Variants in CLEC4E observed in about 807,000 individuals in gnomAD.
CLEC4E encodes C-type (calcium dependent, carbohydrate-recognition domain) lectin, superfamily member 9.
CLEC4E carries 21 observed loss-of-function variants against 24.7 expected under a neutral mutation model. That is an observed-to-expected ratio of 0.85 (90% CI 0.60 to 1.22). CLEC4E has a LOEUF of 1.22. Among genes scored for constraint, CLEC4E ranks in the 50% most tolerant of loss-of-function variants. The pLI is 0.00. For synonymous variants in CLEC4E, 94 were observed against 85.7 expected, an observed-to-expected ratio of 1.10 and a Z score of -0.54; for missense variants, 249 against 254.1, an observed-to-expected ratio of 0.98 and a Z score of 0.14.
At chr12:8,534,862 A>G (rs1413194215) in intron 5 of CLEC4E, 53 bp from the exon 6 acceptor site, 1 of 1,473,398 alleles carries the variant, frequency 6.8e-7, no homozygotes, top group Non-Finnish European at 9.3e-7. Context: ...GAGGTAAAGT[A>G]ACCTAATATA....
chr12:8,540,780 T>C lies in CLEC4E; in HGVS notation c.18A>G (p.Ser6=), dbSNP rs751975777. The change falls in exon 1 of 6, where the codon TCA becomes TCG. Residue 6 remains serine, a synonymous_variant. Coordinates refer to ENST00000299663, the MANE Select transcript of CLEC4E (RefSeq NM_014358.4). ...TTTTACCTGTGCATTGTGTTTCAGA[T>C]GATTTAGATGAATTCATTTTTTCTC... MNSSK[S]SETQCTERGC... 30 of 1,609,424 alleles carry C rather than the reference T, an allele frequency of 1.9e-5. No homozygotes were observed. In the Middle Eastern group the frequency reaches 6.6e-4, roughly 35 times the overall value.
chr12:8,534,746 G>C lies in CLEC4E; in HGVS notation c.552C>G (p.Asp184Glu). 1 of 1,614,046 alleles carries C rather than the reference G, an allele frequency of 6.2e-7. No homozygotes were observed. The highest frequency in any genetic ancestry group is 8.5e-7 in the Non-Finnish European group (1 of 1,179,964). Residue 184 changes from aspartate (D) to glutamate (E), a missense_variant, in exon 6 of 6, where the codon GAC becomes GAG. By Grantham distance (45) the Asp-to-Glu change is conservative. Transcript: ENST00000299663. ...ATLEDCATMRDSSNPRQNWND... is the reference protein window; with the variant it reads ...ATLEDCATMRESSNPRQNWND... ...TCCAATTTTGCCTTGGGTTTGAAGAGTCTCTCATGGTGGCACAGTCCTCCA... is the reference window on the plus strand; with the variant it reads ...TCCAATTTTGCCTTGGGTTTGAAGACTCTCTCATGGTGGCACAGTCCTCCA...
At chr12:8,538,843 G>GC (rs1463414749) in intron 3 of CLEC4E, 2 of 283,942 alleles carry the variant, frequency 7.0e-6, no homozygotes, top group Non-Finnish European at 1.3e-5. Flanking sequence ...GCTAGGACTT[G>GC]CAACAGGATG....
In CLEC4E at chr12:8,539,269, C is replaced by T; in HGVS notation, c.168G>A (p.Lys56=). The change falls in exon 3 of 6, where the codon AAG becomes AAA. Residue 56 remains lysine, a synonymous_variant. Transcript: ENST00000299663. Reference sequence around the variant, plus strand: ...CTGTGAAATTCTCAGGTAGCTGAAACTTTTTCTCATCACAGGTTTGAAAGA... The same window carrying T: ...CTGTGAAATTCTCAGGTAGCTGAAATTTTTTCTCATCACAGGTTTGAAAGA... The part of the protein sequence containing the change: ...FRIFQTCDEK[K]FQLPENFTEL... 1.9e-6 allele frequency: 3 copies of T among 1,613,410 alleles called. No homozygotes were observed. Among genetic ancestry groups the T allele is most frequent in the Non-Finnish European group, 2.5e-6 (3 of 1,179,548 alleles).
rs752946890 is a variant in CLEC4E at position 8,534,180 on chromosome 12, A to C, written c.*458T>G. 2 of 153,770 alleles carry C rather than the reference A, an allele frequency of 1.3e-5. No individual in the cohort carries two copies. Among genetic ancestry groups the C allele is most frequent in the Non-Finnish European group, 2.9e-5 (2 of 69,188 alleles). 9.5% of individuals were successfully genotyped at this position (153,770 alleles called of 1,614,324 possible). On this transcript the variant is annotated 3_prime_UTR_variant, in exon 6 of 6. Transcript: ENST00000299663. Reference sequence around the variant, plus strand: ...TTACTCATTATACAGGGGAGTAAAGAGACGATATATGCTTGGGCAGGAGAT... The same window carrying C: ...TTACTCATTATACAGGGGAGTAAAGCGACGATATATGCTTGGGCAGGAGAT...
intron 2 of CLEC4E, 97 bp downstream of exon 2, chr12:8,539,758 C>A: frequency 1.3e-6 from 1 of 762,346 alleles, no homozygotes; most frequent in Non-Finnish European, 2.3e-6. Flanking sequence ...AATAGAAAGA[C>A]CCTTTGAGGG....
chr12:8,536,507 G>A lies in CLEC4E; in HGVS notation c.373-302C>T, dbSNP rs189844301. Among the ~76,000 whole-genome samples the A allele has an allele frequency of 4.4e-3, 670 of 152,144 alleles. 8 individuals carry two copies. The highest frequency in any genetic ancestry group is 3.9e-3 in the Non-Finnish European group (262 of 67,998). The stretch of plus-strand genomic sequence containing the variant: ...TGGGAGGCAGAGGTTGCAGTGAGCC[G>A]AGATTGCGCCACTGCACTCCAGCCT... On this transcript the variant is annotated intron_variant, in intron 4 of 5. Transcript: ENST00000299663.
In CLEC4E at chr12:8,539,285, G is replaced by A. The variant is rs749727636; in HGVS notation, c.152C>T (p.Thr51Ile). ...RCVVTFRIFQ[T>I]CDEKKFQLPE... ...TAGCTGAAACTTTTTCTCATCACAG[G>A]TTTGAAAGATGCGAAATGTCACTGT... is the stretch of plus-strand genomic sequence containing the variant. Residue 51 changes from threonine to isoleucine, a missense_variant, in exon 3 of 6, where the codon ACC becomes ATC. Thr to Ile is a moderately conservative substitution (Grantham distance 89, BLOSUM62 -1). Coordinates refer to ENST00000299663, the MANE Select transcript of CLEC4E (RefSeq NM_014358.4). 3 of 1,611,018 alleles carry A rather than the reference G, an allele frequency of 1.9e-6. No individual in the cohort carries two copies. The highest frequency in any genetic ancestry group is 1.3e-5 in the African/African-American group (1 of 74,878).
rs935303037 is a variant in CLEC4E, at chr12:8,534,131, A to C, written c.*507T>G. On this transcript the variant is annotated 3_prime_UTR_variant, in exon 6 of 6. Transcript: ENST00000299663. ...CACACCGGTATTCTGAGCAGGAATA[A>C]GTTTCATGACTTGAAGAAGCTTCTT... is the stretch of plus-strand genomic sequence containing the variant. 1 of 152,484 alleles carries C rather than the reference A, an allele frequency of 6.6e-6. No homozygotes were observed. Among genetic ancestry groups the C allele is most frequent in the Non-Finnish European group, 1.5e-5 (1 of 68,242 alleles). The allele number at this position is 152,484 out of a possible 1,614,324, so 9.4% of individuals were successfully genotyped here. A position where few individuals can be genotyped will look rare whatever the true frequency, so the allele number is the denominator to read the frequency against.
In CLEC4E at chr12:8,534,315, T is replaced by C. The variant is rs1565495030; in HGVS notation, c.*323A>G. On this transcript the variant is annotated 3_prime_UTR_variant, in exon 6 of 6. Coordinates refer to ENST00000299663, the MANE Select transcript of CLEC4E (RefSeq NM_014358.4). The stretch of plus-strand genomic sequence containing the variant: ...GATTTTTGGAAGGCACCTTCCAAAA[T>C]CCCCTTCTTTGCTAGACTCTGTCTT... The C allele has an allele frequency of 6.0e-6, 1 of 166,788 alleles. No homozygotes were observed. Among genetic ancestry groups the C allele is most frequent in the Non-Finnish European group, 1.3e-5 (1 of 77,762 alleles). 10.3% of individuals were successfully genotyped at this position (166,788 alleles called of 1,614,324 possible). A position where few individuals can be genotyped will look rare whatever the true frequency, so the allele number is the denominator to read the frequency against.
Position 8,536,218 on chromosome 12 carries a change from C to G in CLEC4E, c.373-13G>C. 1 of 1,411,568 alleles carries G rather than the reference C, an allele frequency of 7.1e-7. No homozygotes were observed. The highest frequency in any genetic ancestry group is 1.0e-6 in the Non-Finnish European group (1 of 997,364). 87.4% of individuals were successfully genotyped at this position (1,411,568 alleles called of 1,614,324 possible). A position where few individuals can be genotyped will look rare whatever the true frequency, so the allele number is the denominator to read the frequency against. ...AGGAAAGGAATTCCTATGGAAGATA[C>G]AAAATAAAAGGAGATCAGTTATTTT... On this transcript the variant is annotated splice_polypyrimidine_tract_variant and intron_variant, in intron 4 of 5. Transcript: ENST00000299663.
rs1940576016 is a variant in CLEC4E, at chr12:8,533,813, A to C, written c.*825T>G. The C allele has an allele frequency of 6.6e-6, 1 of 152,250 alleles. No individual in the cohort carries two copies. The highest frequency in any genetic ancestry group is 6.5e-5 in the Admixed American group (1 of 15,288). The allele number at this position is 152,250 out of a possible 1,614,324, so 9.4% of individuals were successfully genotyped here. ...TCCACGACATGAGTTTACCTATATA[A>C]AAAGCCTTTAACATGTACCCCCGAA... is the stretch of plus-strand genomic sequence containing the variant. On this transcript the variant is annotated 3_prime_UTR_variant, in exon 6 of 6. Transcript: ENST00000299663.
At chr12:8,538,056 T>A (rs1158500720) in intron 3 of CLEC4E, among the ~76,000 whole-genome samples, 1 of 152,194 alleles carries the variant, frequency 6.6e-6, no homozygotes, top group African/African-American at 2.4e-5. Flanking sequence ...AGACAGACTG[T>A]GGTCTAGCGG....
At chr12:8,540,690 G>A in intron 1 of CLEC4E, 71 bp downstream of exon 1, 2 of 1,340,830 alleles carry the variant, frequency 1.5e-6, no homozygotes, top group Non-Finnish European at 2.1e-6. Flanking sequence ...CTATTGTCCT[G>A]TCTTTCACCA....
At chr12:8,538,973 A>G in intron 3 of CLEC4E, 1 of 449,856 alleles carries the variant, frequency 2.2e-6, no homozygotes. Flanking sequence ...TCCTGGGAAT[A>G]ATACCTTCCA....
At chr12:8,539,064 A>G (rs768168615) in intron 3 of CLEC4E, 153 bp downstream of exon 3, 2 of 578,134 alleles carry the variant, frequency 3.5e-6, no homozygotes, top group East Asian at 2.9e-5. Context: ...TTCTGCCCCA[A>G]TGCTAATTGC....
In CLEC4E at chr12:8,534,578, G is replaced by T; in HGVS notation, c.*60C>A. The T allele has an allele frequency of 1.5e-6, 2 of 1,332,064 alleles. No homozygotes were observed. The highest frequency in any genetic ancestry group is 2.9e-5 in the African/African-American group (2 of 68,442). The allele number at this position is 1,332,064 out of a possible 1,614,324, so 82.5% of individuals were successfully genotyped here. Reference sequence around the variant, plus strand: ...GCGCACAAATTTCTCGTGTGGGGCGGTGGGTGTGGCCATGTTCTTGCTCTT... The same window carrying T: ...GCGCACAAATTTCTCGTGTGGGGCGTTGGGTGTGGCCATGTTCTTGCTCTT... On this transcript the variant is annotated 3_prime_UTR_variant, in exon 6 of 6. Transcript: ENST00000299663.
At chr12:8,540,151 T>A (rs748347498) in intron 1 of CLEC4E, among the ~76,000 whole-genome samples, 1 of 152,174 alleles carries the variant, frequency 6.6e-6, no homozygotes, top group Non-Finnish European at 1.5e-5. Flanking sequence ...AGTTAGCAAC[T>A]CAGTAGAGTT....
chr12:8,540,661 AAC>A, intron 1 of CLEC4E, 98 bp downstream of exon 1: 1 of 1,053,494 alleles, frequency 9.5e-7, no homozygotes, highest in Middle Eastern at 2.1e-4. Flanking sequence ...TTTTTTTTTT[AAC>A]TTCAGTGAAT....
Sources: allele counts gnomAD v4.1 joint callset (sites outside exome capture counted in the v4.1 genomes callset), GRCh38; gene constraint gnomAD v4.1.1; transcripts MANE v1.5; gene names NCBI Gene and HGNC (gene_info 2026-07-23, HGNC 2026-07-21).